PDE10A: variants seen among roughly 807,000 people sequenced by gnomAD.
PDE10A encodes the protein phosphodiesterase 10A.
Under a neutral mutation model 97.7 loss-of-function variants are expected in PDE10A, and 39 were observed. The observed-to-expected ratio is 0.40, with a 90% CI of 0.31 to 0.52. The LOEUF is 0.52. Ranked by LOEUF, PDE10A falls within the 20% of genes least tolerant of loss-of-function variation. The probability of loss-of-function intolerance (pLI) is 0.56; values close to 1 mark genes in which losing one functional copy is unlikely to be tolerated. For missense variants in PDE10A, 731 were observed against 1,047.8 expected (o/e 0.70, Z 4.17); for synonymous variants, 371 against 376.8 (o/e 0.98, Z 0.18).
intron 1 of PDE10A, among the ~76,000 whole-genome samples, chr6:165,622,556 G>C (rs1229541788): frequency 6.6e-6 from 1 of 152,178 alleles, no homozygotes; most frequent in African/African-American, 2.4e-5. Flanking sequence ...GAAAGCTACA[G>C]TAAAAATATG....
At chr6:165,814,343 C>T (rs535831423) in intron 1 of PDE10A, among the ~76,000 whole-genome samples, 1 of 152,254 alleles carries the variant, frequency 6.6e-6, no homozygotes, top group East Asian at 1.9e-4. Flanking sequence ...TGGGGCAAAA[C>T]GATCCCAGCC....
intron 1 of PDE10A, among the ~76,000 whole-genome samples, chr6:165,980,973 T>C (rs1784995941): frequency 6.6e-6 from 1 of 152,194 alleles, no homozygotes; most frequent in Non-Finnish European, 1.5e-5. Flanking sequence ...GTTCCATCTG[T>C]ATTATTTAAG....
At chr6:165,455,903 T>C (rs1302598185) in intron 3 of PDE10A, among the ~76,000 whole-genome samples, 1 of 152,220 alleles carries the variant, frequency 6.6e-6, no homozygotes, top group Non-Finnish European at 1.5e-5. Flanking sequence ...AGTCTTGTTC[T>C]TACCCAAGTA....
rs75541149 is a variant in PDE10A, at chr6:165,955,509, C to T, written c.-615+32020G>A. Among the ~76,000 whole-genome samples the T allele has an allele frequency of 3.8e-3, 574 of 152,310 alleles. 4 individuals carry two copies. The highest frequency in any genetic ancestry group is 0.013 in the African/African-American group (536 of 41,558). On this transcript the variant is annotated intron_variant, in intron 1 of 19. Transcript: ENST00000366882. The stretch of plus-strand genomic sequence containing the variant: ...GACATGGGAGCTTAGCGTCTACCTC[C>T]ACCGTCTGCCTGCTACCATTCTGCT...
intron 5 of PDE10A, among the ~76,000 whole-genome samples, chr6:165,444,524 A>G (rs1262033519): frequency 1.3e-5 from 2 of 152,120 alleles, no homozygotes; most frequent in Non-Finnish European, 2.9e-5. Context: ...AGAAACTTCA[A>G]TGTACCAGAA....
intron 1 of PDE10A, among the ~76,000 whole-genome samples, chr6:165,938,676 T>G (rs1783417371): frequency 6.6e-6 from 1 of 152,068 alleles, no homozygotes; most frequent in African/African-American, 2.4e-5. Flanking sequence ...GTCAAGTGCT[T>G]ACTCAAGAAA....
intron 1 of PDE10A, chr6:165,910,696 GA>G (rs1399486141): frequency 6.8e-6 from 1 of 147,392 alleles, no homozygotes; most frequent in African/African-American, 2.5e-5. Flanking sequence ...AACTAAACTG[GA>G]GTTAAAAATG....
rs921774070 is a variant in PDE10A, at chr6:165,662,128, C to T, written c.684G>A (p.Ala228=). 3 of 914,194 alleles carry T rather than the reference C, an allele frequency of 3.3e-6. No individual in the cohort carries two copies. The highest frequency in any genetic ancestry group is 3.9e-6 in the Non-Finnish European group (3 of 759,974). The allele number at this position is 914,194 out of a possible 1,614,324, so 56.6% of individuals were successfully genotyped here. A position where few individuals can be genotyped will look rare whatever the true frequency, so the allele number is the denominator to read the frequency against. Residue 228 remains alanine (A), a synonymous_variant, in exon 1 of 22, where the codon GCG becomes GCA. Transcript: ENST00000539869. ...RLPLGQAARR[A]GSPGFPGAGP... Reference sequence around the variant, plus strand: ...CGGCGCCGGGGAAGCCGGGGGAGCCCGCGCGGCGGGCGGCCTGGCCAAGGG... The same window carrying T: ...CGGCGCCGGGGAAGCCGGGGGAGCCTGCGCGGCGGGCGGCCTGGCCAAGGG...
At chr6:165,619,129 C>CTAGTGTACTGTAGTG (rs1787890314) in intron 1 of PDE10A, among the ~76,000 whole-genome samples, 1 of 94,320 alleles carries the variant, frequency 1.1e-5, no homozygotes, top group Non-Finnish European at 2.1e-5. Flanking sequence ...CTAGCATAGT[C>CTAGTGTACTGTAGTG]TAGTGTAGTG....
chr6:165,687,910 G>A (rs1159121758), intron 1 of PDE10A, among the ~76,000 whole-genome samples: 2 of 152,204 alleles, frequency 1.3e-5, no homozygotes, highest in Admixed American at 1.3e-4. Context: ...GGAAGCTTGA[G>A]CACGCAGAGG....
rs568387526 is a variant in PDE10A, at chr6:165,742,721, A to T, written c.-614-199153T>A. 4.6e-5 allele frequency among the ~76,000 whole-genome samples: 7 copies of T among 152,198 alleles called. No individual in the cohort carries two copies. The East Asian group carries it at 1.4e-3, about 29-fold the overall frequency. On this transcript the variant is annotated intron_variant, in intron 1 of 19. Transcript: ENST00000366882. ...TCTCAGGGAAGGTCCTGTCCTGTAG[A>T]TAAGTGGTCCCAGCTACCCTGCATC...
intron 1 of PDE10A, among the ~76,000 whole-genome samples, chr6:165,977,403 C>T (rs1313324834): frequency 1.3e-5 from 2 of 152,202 alleles, no homozygotes; most frequent in African/African-American, 4.8e-5. Flanking sequence ...GATGGTCCAT[C>T]TTTCTTCTTA....
intron 1 of PDE10A, among the ~76,000 whole-genome samples, chr6:165,612,446 G>A (rs560574198): frequency 1.3e-5 from 2 of 151,828 alleles, no homozygotes; most frequent in South Asian, 2.1e-4. Flanking sequence ...GCACAATCTC[G>A]GCTCACCACA....
chr6:165,631,706 C>A (rs1051615610), intron 1 of PDE10A, among the ~76,000 whole-genome samples: 13 of 152,080 alleles, frequency 8.5e-5, no homozygotes, highest in African/African-American at 3.1e-4. Flanking sequence ...TCAGTAATTA[C>A]CAAGAGTAAA....
At chr6:165,690,968 A>G (rs1385694858) in intron 1 of PDE10A, among the ~76,000 whole-genome samples, 2 of 152,056 alleles carry the variant, frequency 1.3e-5, no homozygotes, top group Non-Finnish European at 2.9e-5. Context: ...ACTGGAACCT[A>G]CAACACCAGC....
intron 1 of PDE10A, among the ~76,000 whole-genome samples, chr6:165,812,550 G>C (rs1270542455): frequency 6.6e-6 from 1 of 152,180 alleles, no homozygotes; most frequent in Non-Finnish European, 1.5e-5. Flanking sequence ...TCAATCAATG[G>C]AGCTATTTTA....
At chr6:165,836,664 A>G (rs1355335431) in intron 1 of PDE10A, among the ~76,000 whole-genome samples, 1 of 152,202 alleles carries the variant, frequency 6.6e-6, no homozygotes, top group African/African-American at 2.4e-5. Context: ...GAGAAATGAC[A>G]GGTTCAGATT....
At chr6:165,435,148 TTTAAA>T in intron 6 of PDE10A, 84 bp downstream of exon 6, 2 of 1,162,886 alleles carry the variant, frequency 1.7e-6, no homozygotes, top group Non-Finnish European at 2.5e-6. Context: ...AATGAAACTA[TTTAAA>T]TTATAACATC....
intron 1 of PDE10A, among the ~76,000 whole-genome samples, chr6:165,837,969 G>A (rs1780114347): frequency 6.6e-6 from 1 of 152,206 alleles, no homozygotes. Flanking sequence ...ACAGGCGTGA[G>A]CCACCTATAT....
Sources: gnomAD v4.1 joint callset for allele counts (sites outside exome capture counted in the v4.1 genomes callset) on GRCh38, gnomAD v4.1.1 for gene constraint, MANE v1.5 for transcripts, NCBI Gene and HGNC (gene_info 2026-07-23, HGNC 2026-07-21) for gene names.